The following SIL1 variants were observed in gnomAD, a reference collection of about 807,000 sequenced individuals.
SIL1 encodes the protein nucleotide exchange factor SIL1.
SIL1 carries 40 observed loss-of-function variants against 49.1 expected under a neutral mutation model. The observed-to-expected ratio is 0.81, with a 90% CI of 0.63 to 1.06. SIL1 has a LOEUF of 1.06. Among genes scored for constraint, SIL1 ranks in the 50% least tolerant of loss-of-function variants. SIL1 has a pLI of 0.00. For synonymous variants in SIL1, 253 were observed against 250.8 expected (o/e 1.01, Z -0.08); for missense variants, 500 against 572.6 (o/e 0.87, Z 1.29).
chr5:138,971,156 C>T (rs530643533), intron 7 of SIL1, among the ~76,000 whole-genome samples: 2 of 152,204 alleles, frequency 1.3e-5, no homozygotes, highest in Non-Finnish European at 1.5e-5. Flanking sequence ...AAGAGGAGAA[C>T]AGAATGTGTT....
At chr5:139,148,633 C>T (rs1460298597) in intron 1 of SIL1, among the ~76,000 whole-genome samples, 3 of 152,242 alleles carry the variant, frequency 2.0e-5, no homozygotes, top group East Asian at 1.9e-4. Context: ...GCAGCAGACG[C>T]TCTGAACCCA....
chr5:139,000,025 G>A (rs1767953999), intron 7 of SIL1, among the ~76,000 whole-genome samples: 1 of 152,152 alleles, frequency 6.6e-6, no homozygotes, highest in Non-Finnish European at 1.5e-5. Context: ...ATGTAAATAG[G>A]CATCTTTGTC....
At chr5:139,176,268 C>T (rs1331213986) in intron 1 of SIL1, among the ~76,000 whole-genome samples, 1 of 152,188 alleles carries the variant, frequency 6.6e-6, no homozygotes, top group Non-Finnish European at 1.5e-5. Context: ...AGATTTCTAT[C>T]TACATTCTGA....
At chr5:139,109,853 G>C (rs1199808233) in intron 3 of SIL1, among the ~76,000 whole-genome samples, 1 of 146,310 alleles carries the variant, frequency 6.8e-6, no homozygotes, top group Non-Finnish European at 1.5e-5. Flanking sequence ...TGAGATACTA[G>C]ACAACCTCCT....
At position 139,060,215 on chromosome 5, in the gene SIL1, T is replaced by C. The variant is rs1183297899; in HGVS notation, c.245-9169A>G. Among the ~76,000 whole-genome samples, 4 of 152,218 alleles carry C rather than the reference T, an allele frequency of 2.6e-5. No individual in the cohort carries two copies. The East Asian group carries it at 7.7e-4, about 29-fold the overall frequency. The stretch of plus-strand genomic sequence containing the variant: ...CTATGAAGAGTATGTGAACTATTAC[T>C]GTGGTTCTAAGAGTCGGAGCTATAA... On this transcript the variant is annotated intron_variant, in intron 3 of 9. Transcript: ENST00000394817.
intron 7 of SIL1, among the ~76,000 whole-genome samples, chr5:138,952,486 C>T (rs528374362): frequency 2.6e-4 from 40 of 152,336 alleles, no homozygotes; most frequent in South Asian, 2.1e-3. Flanking sequence ...CCAATGCCTC[C>T]CACTGGGCTC....
intron 3 of SIL1, among the ~76,000 whole-genome samples, chr5:139,064,043 CT>C (rs1245241291): frequency 2.0e-5 from 3 of 152,082 alleles, no homozygotes; most frequent in East Asian, 1.9e-4. Flanking sequence ...ATTTTTAATC[CT>C]TTTTTCCCCG....
intron 1 of SIL1, among the ~76,000 whole-genome samples, chr5:139,186,948 C>G (rs1752085976): frequency 6.6e-6 from 1 of 152,168 alleles, no homozygotes. Context: ...TCAAGAAATG[C>G]TTCAGGGAAG....
chr5:139,173,511 C>CT (rs1340337810), intron 1 of SIL1, among the ~76,000 whole-genome samples: 1 of 152,004 alleles, frequency 6.6e-6, no homozygotes. Context: ...GATCATGCTA[C>CT]TGCACTCCAG....
chr5:138,970,874 C>T lies in SIL1; in HGVS notation c.768-18990G>A, dbSNP rs529646408. On this transcript the variant is annotated intron_variant, in intron 7 of 9. Transcript: ENST00000394817. ...CCAAAATTGTGGTGAGCCAAGATTG[C>T]GCCACTGCACTCCAGCCTGGGCAAC... Among the ~76,000 whole-genome samples the T allele has an allele frequency of 4.6e-5, 7 of 151,532 alleles. No homozygotes were observed. The East Asian group carries it at 7.8e-4, about 17-fold the overall frequency.
chr5:139,080,662 C>T (rs1770053278), intron 3 of SIL1, among the ~76,000 whole-genome samples: 1 of 152,140 alleles, frequency 6.6e-6, no homozygotes, highest in Non-Finnish European at 1.5e-5. Context: ...TGTCATTGTC[C>T]AGTACATGGT....
chr5:139,159,698 T>C (rs891499002), intron 1 of SIL1, among the ~76,000 whole-genome samples: 7 of 152,220 alleles, frequency 4.6e-5, no homozygotes, highest in African/African-American at 1.7e-4. Flanking sequence ...CTTGTGTGTG[T>C]GTGCATGTGT....
chr5:139,118,977 T>C (rs1750547751), intron 3 of SIL1, among the ~76,000 whole-genome samples: 2 of 152,166 alleles, frequency 1.3e-5, no homozygotes, highest in Non-Finnish European at 2.9e-5. Flanking sequence ...GGGGCAGGCA[T>C]GACCGGAACC....
intron 1 of SIL1, among the ~76,000 whole-genome samples, chr5:139,162,162 G>T (rs2151811068): frequency 6.6e-6 from 1 of 152,202 alleles, no homozygotes; most frequent in Admixed American, 6.5e-5. Context: ...TGAAAAACCA[G>T]GCCACTACCA....
intron 3 of SIL1, among the ~76,000 whole-genome samples, chr5:139,076,790 G>A (rs529283762): frequency 7.2e-5 from 11 of 152,240 alleles, no homozygotes; most frequent in East Asian, 1.9e-4. Flanking sequence ...CTCAAAGACC[G>A]CAGTGACCTA....
chr5:138,950,841 C>T (rs1030528073), intron 9 of SIL1, among the ~76,000 whole-genome samples: 1 of 152,206 alleles, frequency 6.6e-6, no homozygotes, highest in Non-Finnish European at 1.5e-5. Context: ...TGTTCTACCC[C>T]CTCAGCCTTT....
At chr5:139,164,615 G>A (rs1240697297) in intron 1 of SIL1, among the ~76,000 whole-genome samples, 1 of 152,182 alleles carries the variant, frequency 6.6e-6, no homozygotes, top group East Asian at 1.9e-4. Flanking sequence ...CATGTGCCAA[G>A]CACATGACCT....
intron 6 of SIL1, chr5:139,021,750 A>G: frequency 2.0e-5 from 4 of 201,126 alleles, no homozygotes; most frequent in South Asian, 1.8e-4. Context: ...CTATAAAAGG[A>G]GCCCTGTTAT....
rs1360343987 is a variant in SIL1, at chr5:139,144,931, C to A, written c.-10-17078G>T. On this transcript the variant is annotated intron_variant, in intron 1 of 9. Transcript: ENST00000394817. ...GAAAACATGGGCAAAACCTTCATGACCTTGGATTCGGCAATGATTTCTTAA... is the reference window on the plus strand; with the variant it reads ...GAAAACATGGGCAAAACCTTCATGAACTTGGATTCGGCAATGATTTCTTAA... 2.0e-5 allele frequency among the ~76,000 whole-genome samples: 3 copies of A among 151,938 alleles called. No homozygotes were observed. In the South Asian group the frequency reaches 6.2e-4, roughly 32 times the overall value.
Sources: gnomAD v4.1 joint callset for allele counts (sites outside exome capture counted in the v4.1 genomes callset) on GRCh38, gnomAD v4.1.1 for gene constraint, MANE v1.5 for transcripts, NCBI Gene and HGNC (gene_info 2026-07-23, HGNC 2026-07-21) for gene names.